The following STAB2 variants were observed in gnomAD, a reference collection of about 807,000 sequenced individuals.
STAB2 encodes stabilin-2.
STAB2 carries 288 observed loss-of-function variants against 338.1 expected under a neutral mutation model. That is an observed-to-expected ratio of 0.85 (90% CI 0.77 to 0.94). STAB2 has a LOEUF of 0.94. Among genes scored for constraint, STAB2 ranks in the 40% least tolerant of loss-of-function variants. STAB2 has a pLI of 0.00. For missense variants in STAB2, 3,141 were observed against 3,210.1 expected (o/e 0.98, Z 0.52); for synonymous variants, 1,202 against 1,193.3 (o/e 1.01, Z -0.15).
intron 39 of STAB2, among the ~76,000 whole-genome samples, chr12:103,709,125 G>A (rs1383494848): frequency 6.6e-6 from 1 of 152,158 alleles, no homozygotes; most frequent in Non-Finnish European, 1.5e-5. Flanking sequence ...GTGTCTGAGA[G>A]GCCCATTTCC....
chr12:103,703,086 C>T, intron 34 of STAB2, 62 bp from the exon 35 acceptor site: 1 of 1,561,848 alleles, frequency 6.4e-7, no homozygotes, highest in East Asian at 2.3e-5. Flanking sequence ...ACCTCCACTT[C>T]CTATCTTTTC....
At chr12:103,640,872 C>T (rs1872876954) in intron 9 of STAB2, among the ~76,000 whole-genome samples, 1 of 152,218 alleles carries the variant, frequency 6.6e-6, no homozygotes, top group Non-Finnish European at 1.5e-5. Flanking sequence ...GCCTCAGTTG[C>T]TCCATGTGTA....
chr12:103,746,277 C>T (rs1883024943), intron 57 of STAB2: 1 of 218,672 alleles, frequency 4.6e-6, no homozygotes, highest in Non-Finnish European at 9.3e-6. Context: ...TCCTTAGAGC[C>T]AGAGAGCTAA....
intron 7 of STAB2, among the ~76,000 whole-genome samples, chr12:103,637,571 G>A (rs750023105): frequency 8.6e-5 from 13 of 151,998 alleles, no homozygotes; most frequent in African/African-American, 2.4e-4. Context: ...AAGCCAGACC[G>A]TCTGGGTTCA....
intron 55 of STAB2, 87 bp downstream of exon 55, chr12:103,740,843 A>AT: frequency 4.1e-6 from 6 of 1,462,342 alleles, no homozygotes; most frequent in Non-Finnish European, 5.4e-6. Flanking sequence ...CCAAAATTAT[A>AT]GGGGGATGGG....
At chr12:103,627,054 G>A (rs983911827) in intron 5 of STAB2, among the ~76,000 whole-genome samples, 1 of 152,202 alleles carries the variant, frequency 6.6e-6, no homozygotes, top group African/African-American at 2.4e-5. Context: ...GGATTTCTTT[G>A]GATCCTCACT....
At chr12:103,695,949 CA>C (rs1878367802) in intron 33 of STAB2, 105 bp downstream of exon 33, 1 of 1,057,326 alleles carries the variant, frequency 9.5e-7, no homozygotes. Context: ...CATCCTTGTC[CA>C]TAGCCACATA....
chr12:103,741,651 C>T (rs1447693842), intron 55 of STAB2, among the ~76,000 whole-genome samples: 5 of 152,304 alleles, frequency 3.3e-5, no homozygotes, highest in East Asian at 1.9e-4. Flanking sequence ...GCTGGGTTTT[C>T]GCCATGTTGC....
intron 3 of STAB2, among the ~76,000 whole-genome samples, chr12:103,604,555 T>C (rs539495547): frequency 6.6e-6 from 1 of 152,120 alleles, no homozygotes; most frequent in South Asian, 2.1e-4. Flanking sequence ...AACATTCAGG[T>C]TATCTATTTC....
At chr12:103,629,957 G>C (rs1244311485) in intron 5 of STAB2, among the ~76,000 whole-genome samples, 1 of 152,200 alleles carries the variant, frequency 6.6e-6, no homozygotes, top group African/African-American at 2.4e-5. Context: ...AAGAATCTAA[G>C]ATGTATAAAA....
At chr12:103,723,287 G>T (rs1880914035) in intron 44 of STAB2, among the ~76,000 whole-genome samples, 1 of 152,202 alleles carries the variant, frequency 6.6e-6, no homozygotes, top group East Asian at 1.9e-4. Flanking sequence ...GGCTGGGGAG[G>T]TCTCATAATC....
At chr12:103,669,057 T>C (rs1436619207) in intron 20 of STAB2, among the ~76,000 whole-genome samples, 1 of 152,206 alleles carries the variant, frequency 6.6e-6, no homozygotes, top group Admixed American at 6.5e-5. Context: ...TCCCTCTGAA[T>C]GCTCTTCCAG....
intron 44 of STAB2, among the ~76,000 whole-genome samples, chr12:103,723,653 G>A (rs917357117): frequency 9.8e-5 from 15 of 152,310 alleles, no homozygotes; most frequent in African/African-American, 2.4e-4. Context: ...GCAATGCACC[G>A]CCAGCCCGGC....
intron 36 of STAB2, chr12:103,705,148 GATA>G (rs994656709): frequency 3.2e-5 from 5 of 156,662 alleles, no homozygotes; most frequent in Admixed American, 6.2e-5. Flanking sequence ...CTAAATATAT[GATA>G]ATTTTTAATT....
At chr12:103,595,892 T>C (rs1956867917) in intron 3 of STAB2, among the ~76,000 whole-genome samples, 1 of 152,192 alleles carries the variant, frequency 6.6e-6, no homozygotes, top group Non-Finnish European at 1.5e-5. Context: ...TAATGTCTTT[T>C]TTGATTGGCA....
At chr12:103,766,031 G>A in intron 68 of STAB2, 1 of 641,484 alleles carries the variant, frequency 1.6e-6, no homozygotes, top group South Asian at 1.5e-5. Flanking sequence ...CTTTGTAGAT[G>A]AAGAAACTGC....
At chr12:103,743,954 T>C (rs979588700) in intron 56 of STAB2, among the ~76,000 whole-genome samples, 1 of 152,120 alleles carries the variant, frequency 6.6e-6, no homozygotes, top group Non-Finnish European at 1.5e-5. Flanking sequence ...CAAAGGGTTG[T>C]GAACAGAGGG....
chr12:103,608,456 T>C (rs1957068810), intron 3 of STAB2, among the ~76,000 whole-genome samples: 1 of 152,220 alleles, frequency 6.6e-6, no homozygotes, highest in South Asian at 2.1e-4. Context: ...ATAAGCATTT[T>C]TTCATGTGTC....
intron 25 of STAB2, among the ~76,000 whole-genome samples, chr12:103,681,151 G>A (rs78787362): frequency 2.1e-3 from 326 of 152,272 alleles, no homozygotes; most frequent in Non-Finnish European, 3.2e-3. Context: ...CCTGCTCATG[G>A]GTCTGGAGAA....
Sources: gnomAD v4.1 joint callset for allele counts (sites outside exome capture counted in the v4.1 genomes callset) on GRCh38, gnomAD v4.1.1 for gene constraint, MANE v1.5 for transcripts, NCBI Gene and HGNC (gene_info 2026-07-23, HGNC 2026-07-21) for gene names.